MPPED1: variants seen among roughly 807,000 people sequenced by gnomAD.
MPPED1 encodes the protein metallophosphoesterase domain containing 1.
In MPPED1, 16 loss-of-function variants were observed where a neutral mutation model predicts 36.2. The ratio of observed to expected loss-of-function variants is 0.44; its 90% CI spans 0.30 to 0.67. The LOEUF (loss-of-function observed/expected upper bound fraction) is 0.67. Among genes scored for constraint, MPPED1 ranks in the 30% least tolerant of loss-of-function variants. The pLI is 0.10. For missense variants in MPPED1, 307 were observed against 453.4 expected, an observed-to-expected ratio of 0.68 and a Z score of 2.93; for synonymous variants, 199 against 191.3, an observed-to-expected ratio of 1.04 and a Z score of -0.33.
intron 2 of MPPED1, among the ~76,000 whole-genome samples, chr22:43,431,025 T>G (rs891434064): frequency 3.0e-4 from 2 of 6,592 alleles, no homozygotes; most frequent in Admixed American, 1.6e-3. Flanking sequence ...TTGTTAATTT[T>G]TTTTTTTTTT....
intron 2 of MPPED1, among the ~76,000 whole-genome samples, chr22:43,432,454 GAT>G (rs1311785396): frequency 9.1e-5 from 11 of 121,166 alleles, no homozygotes; most frequent in Non-Finnish European, 1.6e-4. Flanking sequence ...GGAGGAGAGA[GAT>G]AAAGAGAGGA....
At chr22:43,487,870 A>C (rs554391880) in intron 4 of MPPED1, among the ~76,000 whole-genome samples, 1 of 152,152 alleles carries the variant, frequency 6.6e-6, no homozygotes, top group Admixed American at 6.5e-5. Flanking sequence ...ACTAGACGTG[A>C]CAGCGACTGC....
chr22:43,432,228 G>GACAAACAC (rs1929714983), intron 2 of MPPED1, among the ~76,000 whole-genome samples: 1 of 99,772 alleles, frequency 1.0e-5, no homozygotes, highest in African/African-American at 3.2e-5. Context: ...GAGACACAGA[G>GACAAACAC]AGAAAGAAAG....
At chr22:43,500,343 G>T (rs796439604) in intron 5 of MPPED1, among the ~76,000 whole-genome samples, 1 of 144,010 alleles carries the variant, frequency 6.9e-6, no homozygotes, top group African/African-American at 2.8e-5. Flanking sequence ...GGAGGTGGTG[G>T]TGGTGATGGT....
chr22:43,414,051 G>A (rs1284563608), intron 1 of MPPED1, among the ~76,000 whole-genome samples: 1 of 152,170 alleles, frequency 6.6e-6, no homozygotes, highest in African/African-American at 2.4e-5. Flanking sequence ...CTGATGCCCC[G>A]TGGGCTATGC....
chr22:43,490,411 C>T (rs141532580), intron 4 of MPPED1, among the ~76,000 whole-genome samples: 2,570 of 152,182 alleles, frequency 0.017, 70 homozygotes, highest in African/African-American at 0.059. Context: ...GGGCAGATTC[C>T]GGCTCCCCAA....
chr22:43,501,920 C>T (rs1410089277), intron 5 of MPPED1, among the ~76,000 whole-genome samples: 2 of 151,946 alleles, frequency 1.3e-5, no homozygotes, highest in Non-Finnish European at 2.9e-5. Flanking sequence ...GGAAGCTTCC[C>T]CTGTCCCCTT....
intron 3 of MPPED1, among the ~76,000 whole-genome samples, chr22:43,469,376 C>G (rs963400714): frequency 7.6e-5 from 9 of 118,808 alleles, no homozygotes; most frequent in Non-Finnish European, 1.6e-4. Context: ...CAAAACACTC[C>G]CCTCATTCAC....
intron 3 of MPPED1, among the ~76,000 whole-genome samples, chr22:43,461,855 G>A (rs1431394863): frequency 9.2e-5 from 14 of 152,096 alleles, no homozygotes; most frequent in Non-Finnish European, 1.3e-4. Context: ...TATTAGCCTC[G>A]ATTTCTTCAT....
intron 1 of MPPED1, among the ~76,000 whole-genome samples, chr22:43,414,555 C>T (rs937775322): frequency 2.0e-5 from 3 of 152,154 alleles, no homozygotes; most frequent in African/African-American, 7.2e-5. Context: ...ATTAATCAGC[C>T]AGGCAAAGAC....
At chr22:43,495,126 T>A (rs901036127) in intron 4 of MPPED1, among the ~76,000 whole-genome samples, 1 of 150,340 alleles carries the variant, frequency 6.7e-6, no homozygotes, top group Admixed American at 6.6e-5. Context: ...ATGGAGGTGG[T>A]AGGAGGTGGT....
At chr22:43,487,925 A>G (rs562726227) in intron 4 of MPPED1, among the ~76,000 whole-genome samples, 1 of 152,244 alleles carries the variant, frequency 6.6e-6, no homozygotes, top group South Asian at 2.1e-4. Context: ...GGGTGGCGCG[A>G]GGCTGATTCC....
intron 4 of MPPED1, among the ~76,000 whole-genome samples, chr22:43,491,820 A>G (rs146290064): frequency 0.15 from 18,158 of 122,404 alleles, 2,637 homozygotes; most frequent in African/African-American, 0.39. Flanking sequence ...GGTGGTGATG[A>G]TGGAGGTGGT....
chr22:43,442,052 T>A (rs1258639062), intron 3 of MPPED1, among the ~76,000 whole-genome samples: 1 of 152,014 alleles, frequency 6.6e-6, no homozygotes, highest in Non-Finnish European at 1.5e-5. Flanking sequence ...GTAATTAGGA[T>A]CATGTGTGGG....
At chr22:43,484,180 G>A (rs1931838797) in intron 4 of MPPED1, among the ~76,000 whole-genome samples, 1 of 152,226 alleles carries the variant, frequency 6.6e-6, no homozygotes, top group Non-Finnish European at 1.5e-5. Context: ...GTTTGGGCAG[G>A]TGAGGCAAAG....
intron 2 of MPPED1, among the ~76,000 whole-genome samples, chr22:43,428,934 G>A (rs899815144): frequency 6.6e-6 from 1 of 152,030 alleles, no homozygotes; most frequent in African/African-American, 2.4e-5. Context: ...TGGGGGACAG[G>A]GTTATCCTGG....
chr22:43,455,797 T>C (rs1281278559), intron 3 of MPPED1, among the ~76,000 whole-genome samples: 5 of 152,214 alleles, frequency 3.3e-5, no homozygotes, highest in Admixed American at 6.5e-5. Flanking sequence ...CCCAATTGCT[T>C]GAAAGTTTCT....
intron 3 of MPPED1, among the ~76,000 whole-genome samples, chr22:43,437,499 A>G (rs1312675041): frequency 1.3e-5 from 2 of 152,058 alleles, no homozygotes; most frequent in Non-Finnish European, 2.9e-5. Flanking sequence ...CCAGTGCTGA[A>G]CTCTTGGTAT....
intron 5 of MPPED1, among the ~76,000 whole-genome samples, chr22:43,501,639 A>G (rs772076380): frequency 1.3e-5 from 2 of 152,128 alleles, no homozygotes; most frequent in Non-Finnish European, 2.9e-5. Flanking sequence ...GGCCTCATGC[A>G]TGGTGGGATC....
Sources: allele counts gnomAD v4.1 joint callset (sites outside exome capture counted in the v4.1 genomes callset), GRCh38; gene constraint gnomAD v4.1.1; transcripts MANE v1.5; gene names NCBI Gene and HGNC (gene_info 2026-07-23, HGNC 2026-07-21).